TEDC1: variants seen among roughly 807,000 people sequenced by gnomAD.
TEDC1 encodes tubulin epsilon and delta complex protein 1.
Under a neutral mutation model 59.9 loss-of-function variants are expected in TEDC1, and 54 were observed. The ratio of observed to expected loss-of-function variants is 0.90; its 90% CI spans 0.72 to 1.13. The LOEUF is 1.13. TEDC1 is among the 50% of genes most tolerant of loss of function. The pLI is 0.00. For synonymous variants in TEDC1, 353 were observed against 298.1 expected (o/e 1.18, Z -1.90); for missense variants, 734 against 683.4 (o/e 1.07, Z -0.83).
intron 8 of TEDC1, 68 bp from the exon 9 acceptor site, chr14:105,498,549 G>GGAAT: frequency 2.8e-6 from 4 of 1,448,574 alleles, no homozygotes; most frequent in Non-Finnish European, 3.7e-6. Flanking sequence ...CTGGGCTCAG[G>GGAAT]GAATGCTCAG....
In TEDC1 at chr14:105,491,822, G is replaced by C. The variant is rs1217465617; in HGVS notation, c.226+122G>C. The C allele has an allele frequency of 3.6e-6, 4 of 1,123,212 alleles. No individual in the cohort carries two copies. In the African/African-American group the frequency reaches 5.8e-5, roughly 16 times the overall value. The allele number at this position is 1,123,212 out of a possible 1,614,324, so 69.6% of individuals were successfully genotyped here. A position where few individuals can be genotyped will look rare whatever the true frequency, so the allele number is the denominator to read the frequency against. ...CTAGCCCCCACCCAACACTGACCCC[G>C]CTTGCTCCTCAAAACTCCGCCTTCC... On this transcript the variant is annotated intron_variant, in intron 2 of 8. Coordinates refer to ENST00000392523, the MANE Select transcript of TEDC1 (RefSeq NM_001367178.1).
chr14:105,496,149 T>TGGGGGGGGGGGGGCCCCCCCCCGGG, intron 6 of TEDC1, 63 bp downstream of exon 6: 1 of 81,278 alleles, frequency 1.2e-5, no homozygotes, highest in Non-Finnish European at 2.2e-5. Context: ...TGGGAGGGGG[T>TGGGGGGGGGGGGGCCCCCCCCCGGG]GGCGAGGGGG....
chr14:105,496,146 G>GGGGGGGGGGGGCCCCCCC, intron 6 of TEDC1, 60 bp downstream of exon 6: 1 of 331,608 alleles, frequency 3.0e-6, no homozygotes. Context: ...GGGTGGGAGG[G>GGGGGGGGGGGGCCCCCCC]GGTGGCGAGG....
chr14:105,497,389 C>G lies in TEDC1; in HGVS notation c.924C>G (p.Arg308=), dbSNP rs1555440635. ...LLRTLERENQ[R]LEAVLAWRRS... Reference sequence around the variant, plus strand: ...GGACTCTGGAGCGTGAGAACCAGCGCCTGGAGGCTGTCCTGGCGTGGCGGC... The same window carrying G: ...GGACTCTGGAGCGTGAGAACCAGCGGCTGGAGGCTGTCCTGGCGTGGCGGC... The change falls in exon 7 of 9, where the codon CGC becomes CGG. Residue 308 remains arginine (R), a synonymous_variant. Transcript: ENST00000392523. The G allele has an allele frequency of 3.2e-6, 5 of 1,552,978 alleles. No homozygotes were observed. The highest frequency in any genetic ancestry group is 2.6e-6 in the Non-Finnish European group (3 of 1,148,946).
rs2084243317 is a variant in TEDC1, at chr14:105,492,650, T to C, written c.501T>C (p.His167=). Residue 167 remains histidine, a synonymous_variant, in exon 4 of 9, where the codon CAT becomes CAC. Transcript: ENST00000392523. Reference sequence around the variant, plus strand: ...CAGAGGGTCCTGTGGATGTCCGCCATGTGCAGTGGCTGATGGGAAAGCTGC... The same window carrying C: ...CAGAGGGTCCTGTGGATGTCCGCCACGTGCAGTGGCTGATGGGAAAGCTGC... ...MEAEGPVDVR[H]VQWLMGKLRF... 5 of 1,544,792 alleles carry C rather than the reference T, an allele frequency of 3.2e-6. No individual in the cohort carries two copies. The highest frequency in any genetic ancestry group is 4.4e-6 in the Non-Finnish European group (5 of 1,146,880).
Position 105,493,913 on chromosome 14 carries a change from G to C in TEDC1, c.664G>C (p.Asp222His). 1 of 1,426,522 alleles carries C rather than the reference G, an allele frequency of 7.0e-7. No individual in the cohort carries two copies. Among genetic ancestry groups the C allele is most frequent in the South Asian group, 1.1e-5 (1 of 88,494 alleles). The allele number at this position is 1,426,522 out of a possible 1,614,324, so 88.4% of individuals were successfully genotyped here. Residue 222 changes from aspartate to histidine, a missense_variant, in exon 5 of 9, where the codon GAC becomes CAC. Transcript: ENST00000392523. ...LSVTEAEMLR[D>H]PEGGQQVSGA... ...TGTCACTGAAGCAGAGATGCTCAGG[G>C]ACCCAGAGGGAGGCCAGCAGGTGAG...
intron 8 of TEDC1, 30 bp from the exon 9 acceptor site, chr14:105,498,587 A>G (rs1555440982): frequency 6.0e-6 from 9 of 1,506,600 alleles, no homozygotes; most frequent in Admixed American, 2.1e-5. Flanking sequence ...TCCTGGGGGG[A>G]CAGAGCCATT....
At chr14:105,495,835 G>A (rs1555440315) in intron 5 of TEDC1, 45 bp from the exon 6 acceptor site, 11 of 1,446,230 alleles carry the variant, frequency 7.6e-6, no homozygotes, top group East Asian at 2.5e-5. Context: ...AGCTGTGTGC[G>A]GCACTGGCCA....
rs2084198967 is a variant in TEDC1, at chr14:105,491,265, A to G, written c.-111A>G. ...GGGCTCAGGTTCCAGCCGGAGCGGT[A>G]ACTGGGCGCAGGTCCCAGCCGCCGC... On this transcript the variant is annotated 5_prime_UTR_variant, in exon 1 of 9. Coordinates refer to ENST00000392523, the MANE Select transcript of TEDC1 (RefSeq NM_001367178.1). The G allele has an allele frequency of 6.5e-7, 1 of 1,527,250 alleles. No individual in the cohort carries two copies. The highest frequency in any genetic ancestry group is 1.2e-5 in the South Asian group (1 of 83,444). 94.6% of individuals were successfully genotyped at this position (1,527,250 alleles called of 1,614,324 possible). A position where few individuals can be genotyped will look rare whatever the true frequency, so the allele number is the denominator to read the frequency against.
rs587759256 is a variant in TEDC1, at chr14:105,498,721, C to T, written c.1263C>T (p.Asp421=). 7.2e-5 allele frequency: 112 copies of T among 1,554,766 alleles called. No homozygotes were observed. Among genetic ancestry groups the T allele is most frequent in the Middle Eastern group, 3.5e-4 (2 of 5,752 alleles). The change falls in exon 9 of 9, where the codon GAC becomes GAT. Residue 421 remains aspartate (D), a synonymous_variant. Coordinates refer to ENST00000392523, the MANE Select transcript of TEDC1 (RefSeq NM_001367178.1). ...LGALQQCWER[D]GGPAQPHGPH... The stretch of plus-strand genomic sequence containing the variant: ...CTCTACAGCAGTGCTGGGAGCGAGA[C>T]GGTGGCCCGGCCCAGCCCCATGGGC...
At position 105,492,118 on chromosome 14, in the gene TEDC1, C is replaced by A. The variant is rs782451914; in HGVS notation, c.238C>A (p.Arg80Ser). The change falls in exon 3 of 9, where the codon CGC becomes AGC. Residue 80 changes from arginine (R) to serine (S), a missense_variant. Physicochemically the swap from Arg to Ser is moderately radical, Grantham distance 110 (BLOSUM62 -1). Transcript: ENST00000392523. ...GTCTTCTGTCCTAGAGGTCCAAGCC[C>A]GCTTGGTGAAGTCAGCACTATGCTC... is the stretch of plus-strand genomic sequence containing the variant. ...LASLALEVQA[R>S]LVKSALCSQG... The A allele has an allele frequency of 1.9e-6, 3 of 1,607,194 alleles. No individual in the cohort carries two copies. The highest frequency in any genetic ancestry group is 2.2e-5 in the East Asian group (1 of 44,552).
chr14:105,491,018 G>A (rs1232282821), upstream of TEDC1: 31 of 1,549,982 alleles, frequency 2.0e-5, no homozygotes, highest in South Asian at 3.3e-4. Context: ...GCACGAGACA[G>A]AATAGACTAC....
chr14:105,494,400 G>A (rs910854177), intron 5 of TEDC1: 31 of 200,112 alleles, frequency 1.5e-4, no homozygotes, highest in Non-Finnish European at 7.2e-5. Context: ...AGAACCCAAG[G>A]CCAGGCCCAC....
chr14:105,495,543 G>T, intron 5 of TEDC1: 1 of 276,336 alleles, frequency 3.6e-6, no homozygotes, highest in Non-Finnish European at 6.9e-6. Context: ...GGTGCCAGCT[G>T]GACCTGTGTC....
intron 4 of TEDC1, among the ~76,000 whole-genome samples, chr14:105,493,301 A>G (rs59368720): frequency 0.047 from 6,851 of 145,282 alleles, 523 homozygotes; most frequent in African/African-American, 0.16. Context: ...CCACCCTTGC[A>G]GAGGGTCTGT....
chr14:105,494,243 CA>C, intron 5 of TEDC1: 1 of 451,276 alleles, frequency 2.2e-6, no homozygotes, highest in South Asian at 2.2e-5. Context: ...TAAAGGAACA[CA>C]GATCTCAGGT....
Position 105,491,314 on chromosome 14 carries a change from T to C in TEDC1, c.-62T>C, listed in dbSNP as rs587758610. 1.2e-4 allele frequency: 173 copies of C among 1,484,896 alleles called. No individual in the cohort carries two copies. The African/African-American group carries it at 2.1e-3, about 18-fold the overall frequency. The allele number at this position is 1,484,896 out of a possible 1,614,324, so 92.0% of individuals were successfully genotyped here. A position where few individuals can be genotyped will look rare whatever the true frequency, so the allele number is the denominator to read the frequency against. On this transcript the variant is annotated 5_prime_UTR_variant, in exon 1 of 9. Transcript: ENST00000392523. ...GCACTAAACCCGGCCCGTGCGGTGA[T>C]TGGACGCAGGCCCCGGGCCGCGGCG...
intron 6 of TEDC1, 165 bp from the exon 7 acceptor site, chr14:105,497,192 C>T: frequency 2.8e-6 from 2 of 718,762 alleles, no homozygotes; most frequent in Non-Finnish European, 2.4e-6. Context: ...GTGCCCTGCT[C>T]ATCGCTCTGG....
At chr14:105,492,806 A>G (rs2141788984) in intron 4 of TEDC1, 72 bp downstream of exon 4, 2 of 1,503,836 alleles carry the variant, frequency 1.3e-6, no homozygotes, top group East Asian at 2.5e-5. Context: ...CAGTCCCTGC[A>G]GCCCGTCCCG....
Sources: allele counts gnomAD v4.1 joint callset (sites outside exome capture counted in the v4.1 genomes callset), GRCh38; gene constraint gnomAD v4.1.1; transcripts MANE v1.5; gene names NCBI Gene and HGNC (gene_info 2026-07-23, HGNC 2026-07-21).